CDH8: variants seen among roughly 807,000 people sequenced by gnomAD.
CDH8 encodes cadherin 8.
CDH8 carries 17 observed loss-of-function variants against 68.1 expected under a neutral mutation model. That is an observed-to-expected ratio of 0.25 (90% CI 0.17 to 0.37). The LOEUF (loss-of-function observed/expected upper bound fraction) is 0.37, where lower values mean the gene tolerates loss of function less well. Among genes scored for constraint, CDH8 ranks in the 10% least tolerant of loss-of-function variants. CDH8 has a pLI of 1.00. For missense variants in CDH8, 763 were observed against 999.3 expected, an observed-to-expected ratio of 0.76 and a Z score of 3.19; for synonymous variants, 372 against 365.1, an observed-to-expected ratio of 1.02 and a Z score of -0.21.
chr16:61,970,782 C>G (rs549837705), intron 2 of CDH8, among the ~76,000 whole-genome samples: 1 of 152,214 alleles, frequency 6.6e-6, no homozygotes, highest in South Asian at 2.1e-4. Context: ...ACAAGACTGG[C>G]CCCTGTCAGG....
chr16:61,856,879 T>C (rs1359884026), intron 4 of CDH8, among the ~76,000 whole-genome samples: 1 of 152,142 alleles, frequency 6.6e-6, no homozygotes, highest in Admixed American at 6.6e-5. Context: ...TATTCCAGGA[T>C]GAAAAATGGT....
At chr16:61,971,244 G>A (rs1965335956) in intron 2 of CDH8, among the ~76,000 whole-genome samples, 1 of 152,152 alleles carries the variant, frequency 6.6e-6, no homozygotes, top group South Asian at 2.1e-4. Flanking sequence ...CACAAAGCCT[G>A]TTTGGTGGTG....
Position 61,652,848 on chromosome 16 carries a change from T to A in CDH8, c.*760A>T. 6.6e-7 allele frequency: 1 copy of A among 1,523,510 alleles called. No individual in the cohort carries two copies. Among genetic ancestry groups the A allele is most frequent in the Non-Finnish European group, 8.8e-7 (1 of 1,140,826 alleles). The allele number at this position is 1,523,510 out of a possible 1,614,324, so 94.4% of individuals were successfully genotyped here. ...AGTCCACTGTGTGATACAGTTTATC[T>A]TTGTGTCCTTGTGGAAGAAGATGAA... On this transcript the variant is annotated 3_prime_UTR_variant, in exon 12 of 12. Coordinates refer to ENST00000577390, the MANE Select transcript of CDH8 (RefSeq NM_001796.5).
At chr16:61,923,081 G>T (rs899201601) in intron 2 of CDH8, among the ~76,000 whole-genome samples, 7 of 152,040 alleles carry the variant, frequency 4.6e-5, no homozygotes, top group African/African-American at 1.7e-4. Context: ...GAATAATAAA[G>T]CTTATTGACC....
At chr16:61,723,845 T>G (rs767240786) in intron 9 of CDH8, among the ~76,000 whole-genome samples, 1 of 150,608 alleles carries the variant, frequency 6.6e-6, no homozygotes, top group Non-Finnish European at 1.5e-5. Flanking sequence ...TGTTTAACCC[T>G]CCTGTTAAAC....
intron 10 of CDH8, among the ~76,000 whole-genome samples, chr16:61,698,954 C>G (rs1336263299): frequency 1.3e-5 from 2 of 152,156 alleles, no homozygotes; most frequent in Non-Finnish European, 2.9e-5. Flanking sequence ...TTCCTGCTGC[C>G]ATGTAATCCT....
intron 2 of CDH8, among the ~76,000 whole-genome samples, chr16:61,990,848 G>A (rs1427595675): frequency 2.9e-5 from 4 of 138,442 alleles, no homozygotes; most frequent in Non-Finnish European, 1.6e-5. Flanking sequence ...AAGAGAGATG[G>A]AACGAAGGGA....
At chr16:61,985,785 G>A (rs749618641) in intron 2 of CDH8, among the ~76,000 whole-genome samples, 3 of 150,920 alleles carry the variant, frequency 2.0e-5, no homozygotes, top group East Asian at 2.0e-4. Flanking sequence ...GAGCCACCAC[G>A]CCTGGCCTGA....
At chr16:61,772,236 G>A (rs1238420978) in intron 8 of CDH8, among the ~76,000 whole-genome samples, 1 of 151,920 alleles carries the variant, frequency 6.6e-6, no homozygotes, top group Non-Finnish European at 1.5e-5. Context: ...ATCTCATTGT[G>A]TTCAAAACTC....
At chr16:61,774,395 C>A (rs1596955357) in intron 8 of CDH8, among the ~76,000 whole-genome samples, 1 of 146,322 alleles carries the variant, frequency 6.8e-6, no homozygotes, top group Non-Finnish European at 1.5e-5. Flanking sequence ...CAGTGCCCCA[C>A]AATTTTTCTA....
intron 10 of CDH8, among the ~76,000 whole-genome samples, chr16:61,709,298 C>T (rs1964586183): frequency 6.6e-6 from 1 of 152,042 alleles, no homozygotes; most frequent in South Asian, 2.1e-4. Flanking sequence ...CAAGTACAAT[C>T]CAGCCTGGCT....
chr16:61,676,818 T>C (rs994141239), intron 10 of CDH8, among the ~76,000 whole-genome samples: 2 of 152,082 alleles, frequency 1.3e-5, no homozygotes, highest in Non-Finnish European at 2.9e-5. Context: ...ATGTAGAACA[T>C]TTCCATCATC....
rs776989465 is a variant in CDH8 at position 61,736,112 on chromosome 16, A to AAAGAAAGGAAGGAAGG, written c.1415-8898_1415-8897insCCTTCCTTCCTTTCTT. 2.0e-3 allele frequency among the ~76,000 whole-genome samples: 230 copies of AAAGAAAGGAAGGAAGG among 116,520 alleles called. 2 individuals carry two copies. The highest frequency in any genetic ancestry group is 6.8e-3 in the African/African-American group (184 of 27,198). 76.4% of individuals were successfully genotyped at this position (116,520 alleles called of 152,430 possible). A position where few individuals can be genotyped will look rare whatever the true frequency, so the allele number is the denominator to read the frequency against. The stretch of plus-strand genomic sequence containing the variant: ...ACAAGAAAGAAGGAAAGAAAGAAAG[A>AAAGAAAGGAAGGAAGG]AAGGAAGGAAGGAAGGAAGGAAGGA... On this transcript the variant is annotated intron_variant, in intron 8 of 11. Transcript: ENST00000577390.
chr16:61,713,459 T>C (rs1483573649), intron 10 of CDH8, among the ~76,000 whole-genome samples: 5 of 151,668 alleles, frequency 3.3e-5, no homozygotes, highest in Admixed American at 3.3e-4. Flanking sequence ...TAGCTTTCCC[T>C]AAAGACGTGG....
intron 2 of CDH8, among the ~76,000 whole-genome samples, chr16:61,910,122 A>G (rs1964135833): frequency 6.6e-6 from 1 of 152,146 alleles, no homozygotes; most frequent in East Asian, 1.9e-4. Context: ...AAGAACCCAC[A>G]CACAAATGAA....
At chr16:61,928,471 C>A (rs1964489354) in intron 2 of CDH8, among the ~76,000 whole-genome samples, 1 of 152,152 alleles carries the variant, frequency 6.6e-6, no homozygotes, top group African/African-American at 2.4e-5. Flanking sequence ...TGGGTAACTG[C>A]ATCTATCATG....
intron 9 of CDH8, among the ~76,000 whole-genome samples, chr16:61,719,243 G>A (rs1269342290): frequency 6.6e-6 from 1 of 150,766 alleles, no homozygotes; most frequent in Non-Finnish European, 1.5e-5. Context: ...AAGTAGATGA[G>A]GTTCTAATCT....
intron 10 of CDH8, among the ~76,000 whole-genome samples, chr16:61,672,196 A>G (rs1963811535): frequency 6.6e-6 from 1 of 152,078 alleles, no homozygotes; most frequent in Admixed American, 6.6e-5. Context: ...GTCCACCATC[A>G]AATTCTTCAC....
At chr16:61,773,549 C>T (rs541879975) in intron 8 of CDH8, among the ~76,000 whole-genome samples, 187 of 152,052 alleles carry the variant, frequency 1.2e-3, no homozygotes, top group Admixed American at 2.0e-3. Context: ...GCAAGAATTG[C>T]TCTGTGAGTT....
Sources: allele counts gnomAD v4.1 joint callset (sites outside exome capture counted in the v4.1 genomes callset), GRCh38; gene constraint gnomAD v4.1.1; transcripts MANE v1.5; gene names NCBI Gene and HGNC (gene_info 2026-07-23, HGNC 2026-07-21).